The following ENTREP2 variants were observed in gnomAD, a reference collection of about 807,000 sequenced individuals.
ENTREP2 encodes the protein protein ENTREP2.
chr15:29,373,833 T>A, the ENTREP2 span: 3 of 152,166 alleles, frequency 2.0e-5, no homozygotes, highest in South Asian at 6.2e-4. Context: ...CAAAATAATA[T>A]GCAACTGTTT....
the ENTREP2 span, among the ~76,000 whole-genome samples, chr15:29,173,923 G>T: frequency 7.4e-6 from 1 of 134,422 alleles, no homozygotes; most frequent in Non-Finnish European, 1.5e-5. Context: ...ATCTGTAAGT[G>T]AAAACTAATA....
chr15:29,191,246 G>C, the ENTREP2 span, among the ~76,000 whole-genome samples: 2 of 152,082 alleles, frequency 1.3e-5, no homozygotes, highest in African/African-American at 4.8e-5. Flanking sequence ...TATAATTATG[G>C]GAAGGAAGTA....
the ENTREP2 span, among the ~76,000 whole-genome samples, chr15:29,657,871 T>C: frequency 6.6e-6 from 1 of 152,092 alleles, no homozygotes; most frequent in East Asian, 1.9e-4. Context: ...TATGTATATA[T>C]ACATATATAT....
the ENTREP2 span, among the ~76,000 whole-genome samples, chr15:29,188,511 T>C: frequency 6.6e-6 from 1 of 152,168 alleles, no homozygotes; most frequent in South Asian, 2.1e-4. Flanking sequence ...CATATGGTGT[T>C]GGGTTTTCTG....
the ENTREP2 span, among the ~76,000 whole-genome samples, chr15:29,648,181 G>A: frequency 6.6e-6 from 1 of 152,180 alleles, no homozygotes; most frequent in Non-Finnish European, 1.5e-5. Context: ...AGAGGCTTTA[G>A]CTCAACAACA....
the ENTREP2 span, among the ~76,000 whole-genome samples, chr15:29,281,785 G>T: frequency 6.6e-6 from 1 of 152,212 alleles, no homozygotes; most frequent in Non-Finnish European, 1.5e-5. Context: ...CTGTAGACTA[G>T]GGAGTCCCAA....
chr15:29,482,969 G>A, the ENTREP2 span, among the ~76,000 whole-genome samples: 1 of 152,210 alleles, frequency 6.6e-6, no homozygotes, highest in African/African-American at 2.4e-5. Context: ...CAATGAATGA[G>A]ACTCCCTGTT....
chr15:29,629,743 T>G, the ENTREP2 span, among the ~76,000 whole-genome samples: 2 of 152,342 alleles, frequency 1.3e-5, no homozygotes, highest in African/African-American at 4.8e-5. Flanking sequence ...ATTGTTTTTT[T>G]CTTTCATTCT....
chr15:29,281,197 G>C, the ENTREP2 span, among the ~76,000 whole-genome samples: 1 of 152,094 alleles, frequency 6.6e-6, no homozygotes, highest in African/African-American at 2.4e-5. Context: ...GCCTAGGTGT[G>C]ATTATTAGAT....
chr15:29,166,248 C>T, the ENTREP2 span, among the ~76,000 whole-genome samples: 1 of 152,114 alleles, frequency 6.6e-6, no homozygotes, highest in East Asian at 1.9e-4. Flanking sequence ...AGCGTTCCCT[C>T]TGAGAACTGA....
At chr15:29,180,440 G>A in the ENTREP2 span, among the ~76,000 whole-genome samples, 1 of 152,090 alleles carries the variant, frequency 6.6e-6, no homozygotes, top group African/African-American at 2.4e-5. Context: ...CGAGGCAGGC[G>A]GATCACCTGA....
At chr15:29,329,508 T>G in the ENTREP2 span, among the ~76,000 whole-genome samples, 2 of 152,192 alleles carry the variant, frequency 1.3e-5, no homozygotes, top group African/African-American at 4.8e-5. Flanking sequence ...TTTTGTCAGC[T>G]GAGTGAACCT....
chr15:29,628,230 T>C, the ENTREP2 span, among the ~76,000 whole-genome samples: 2 of 152,216 alleles, frequency 1.3e-5, no homozygotes, highest in African/African-American at 4.8e-5. Context: ...AGTAATAATG[T>C]TTAACATCTT....
At chr15:29,580,596 T>C in the ENTREP2 span, among the ~76,000 whole-genome samples, 1 of 152,170 alleles carries the variant, frequency 6.6e-6, no homozygotes, top group South Asian at 2.1e-4. Context: ...AAGATGAAGT[T>C]ATATTAGAAC....
chr15:29,582,680 C>T, the ENTREP2 span, among the ~76,000 whole-genome samples: 1 of 151,782 alleles, frequency 6.6e-6, no homozygotes, highest in South Asian at 2.1e-4. Context: ...GAGATGAAGT[C>T]TCACTGTGTT....
At chr15:29,357,236 G>GA in the ENTREP2 span, among the ~76,000 whole-genome samples, 5 of 150,284 alleles carry the variant, frequency 3.3e-5, no homozygotes, top group African/African-American at 9.8e-5. Flanking sequence ...CTGTAGGGGA[G>GA]AAAAAAAAAG....
chr15:29,627,931 A>G, the ENTREP2 span, among the ~76,000 whole-genome samples: 1 of 152,216 alleles, frequency 6.6e-6, no homozygotes, highest in Non-Finnish European at 1.5e-5. Flanking sequence ...TATTGTGAAT[A>G]ATGCTGCTGT....
the ENTREP2 span, among the ~76,000 whole-genome samples, chr15:29,640,990 T>A: frequency 0.054 from 8,152 of 152,210 alleles, 647 homozygotes; most frequent in African/African-American, 0.17. Context: ...TCAAGTGGGA[T>A]TTATCCCAGG....
At chr15:29,413,620 T>C in the ENTREP2 span, among the ~76,000 whole-genome samples, 2 of 152,180 alleles carry the variant, frequency 1.3e-5, no homozygotes, top group Admixed American at 1.3e-4. Context: ...CCAGGGTTCA[T>C]TCATCACAAC....
Sources: allele counts gnomAD v4.1 joint callset (sites outside exome capture counted in the v4.1 genomes callset), GRCh38; gene constraint gnomAD v4.1.1; transcripts MANE v1.5; gene names NCBI Gene and HGNC (gene_info 2026-07-23, HGNC 2026-07-21).